The following KLF17 variants were observed in gnomAD, a reference collection of about 807,000 sequenced individuals.
The protein encoded by KLF17 is Krueppel-like factor 17.
KLF17 carries 31 observed loss-of-function variants against 34.2 expected under a neutral mutation model. That is an observed-to-expected ratio of 0.91 (90% CI 0.68 to 1.22). The LOEUF (loss-of-function observed/expected upper bound fraction) is 1.22. KLF17 is among the 50% of genes most tolerant of loss of function. The pLI is 0.00. For synonymous variants in KLF17, 179 were observed against 186.7 expected, an observed-to-expected ratio of 0.96 and a Z score of 0.34; for missense variants, 478 against 505.2, an observed-to-expected ratio of 0.95 and a Z score of 0.52.
chr1:44,070,362 C>T, the KLF17 span, among the ~76,000 whole-genome samples: 10 of 152,182 alleles, frequency 6.6e-5, 1 homozygote, highest in South Asian at 1.7e-3. Flanking sequence ...CTCGCCCTTC[C>T]GAATTTCCAT....
chr1:44,100,952 A>G, the KLF17 span, among the ~76,000 whole-genome samples: 3 of 152,358 alleles, frequency 2.0e-5, no homozygotes, highest in African/African-American at 7.2e-5. Context: ...GAATAGTTGC[A>G]AAGAATATAA....
the KLF17 span, among the ~76,000 whole-genome samples, chr1:44,092,757 G>T: frequency 6.6e-6 from 1 of 151,530 alleles, no homozygotes; most frequent in Non-Finnish European, 1.5e-5. Flanking sequence ...TACTCAAGGG[G>T]TACAATATAT....
At chr1:44,097,600 A>G in the KLF17 span, among the ~76,000 whole-genome samples, 1 of 137,180 alleles carries the variant, frequency 7.3e-6, no homozygotes, top group Admixed American at 7.5e-5. Context: ...TAAAAAAAGA[A>G]TGAAATTAAA....
chr1:44,126,538 T>C (rs2088010150), intron 1 of KLF17, among the ~76,000 whole-genome samples: 1 of 152,112 alleles, frequency 6.6e-6, no homozygotes, highest in South Asian at 2.1e-4. Flanking sequence ...ATGCTGCCAG[T>C]GTGATAGTTA....
At chr1:44,075,113 G>GCACAACA in the KLF17 span, 1 of 146,418 alleles carries the variant, frequency 6.8e-6, no homozygotes, top group Admixed American at 6.9e-5. Context: ...CTAACAAAAT[G>GCACAACA]CACACACACA....
the KLF17 span, among the ~76,000 whole-genome samples, chr1:44,091,467 C>T: frequency 6.6e-6 from 1 of 151,666 alleles, no homozygotes; most frequent in Middle Eastern, 3.2e-3. Context: ...ACCAACTTGG[C>T]CAACCTGGTG....
chr1:44,051,128 T>A, the KLF17 span: 1 of 152,274 alleles, frequency 6.6e-6, no homozygotes, highest in African/African-American at 2.4e-5. Flanking sequence ...GAGACAGCAG[T>A]TGGCAAGACA....
intron 1 of KLF17, among the ~76,000 whole-genome samples, chr1:44,121,910 T>G (rs180967699): frequency 3.8e-4 from 58 of 152,356 alleles, no homozygotes; most frequent in South Asian, 8.3e-4. Context: ...GATTCTGCCT[T>G]TTGTGTATCC....
At chr1:44,122,502 A>C in intron 1 of KLF17, 135 of 997,398 alleles carry the variant, frequency 1.4e-4, no homozygotes, top group Non-Finnish European at 1.8e-4. Flanking sequence ...CAAAAATCTC[A>C]CGAGCTTCAT....
At chr1:44,078,060 C>T in the KLF17 span, among the ~76,000 whole-genome samples, 1 of 152,108 alleles carries the variant, frequency 6.6e-6, no homozygotes, top group African/African-American at 2.4e-5. Context: ...AGTTTTTTTG[C>T]TGCCTTAATG....
chr1:44,081,257 T>C, the KLF17 span, among the ~76,000 whole-genome samples: 1 of 151,416 alleles, frequency 6.6e-6, no homozygotes, highest in East Asian at 2.0e-4. Context: ...TTAATCAGAT[T>C]CAGTTAAACA....
At chr1:44,063,222 G>A in the KLF17 span, among the ~76,000 whole-genome samples, 4 of 152,192 alleles carry the variant, frequency 2.6e-5, no homozygotes, top group Non-Finnish European at 5.9e-5. Context: ...GCCAGACTGG[G>A]TTAACCAAGG....
At chr1:44,103,211 T>C in the KLF17 span, 1 of 625,782 alleles carries the variant, frequency 1.6e-6, no homozygotes, top group Non-Finnish European at 2.9e-6. Flanking sequence ...CTCAGGTGGG[T>C]CTCCCGTTCC....
chr1:44,094,991 C>T, the KLF17 span, among the ~76,000 whole-genome samples: 2 of 149,998 alleles, frequency 1.3e-5, no homozygotes. Context: ...AGCTCTGCCT[C>T]CCAGGTTCAC....
At chr1:44,110,719 T>G in the KLF17 span, 1 of 151,780 alleles carries the variant, frequency 6.6e-6, no homozygotes, top group African/African-American at 2.4e-5. Flanking sequence ...AGTAAATAAA[T>G]AAATAAGGTT....
chr1:44,099,466 T>A, the KLF17 span, among the ~76,000 whole-genome samples: 4 of 151,906 alleles, frequency 2.6e-5, no homozygotes, highest in South Asian at 8.3e-4. Context: ...TGTGCAAGAA[T>A]AACAAAATAG....
the KLF17 span, chr1:44,070,063 CTTCT>C: frequency 3.9e-5 from 6 of 152,150 alleles, no homozygotes; most frequent in Non-Finnish European, 7.3e-5. Flanking sequence ...TTGATTCATC[CTTCT>C]TTCTTGCATT....
chr1:44,104,281 G>A, the KLF17 span: 5 of 1,578,198 alleles, frequency 3.2e-6, no homozygotes, highest in Non-Finnish European at 4.3e-6. Context: ...GTGTTGCCAA[G>A]CTCCGTCTCC....
At chr1:44,127,642 C>CTTTTCTTTCT (rs749639168) in intron 1 of KLF17, among the ~76,000 whole-genome samples, 4 of 48,504 alleles carry the variant, frequency 8.2e-5, no homozygotes, top group African/African-American at 3.9e-4. Context: ...TTCTTTCCTT[C>CTTTTCTTTCT]TTTCTTTCTT....
Sources: allele counts gnomAD v4.1 joint callset (sites outside exome capture counted in the v4.1 genomes callset), GRCh38; gene constraint gnomAD v4.1.1; transcripts MANE v1.5; gene names NCBI Gene and HGNC (gene_info 2026-07-23, HGNC 2026-07-21).